EPHB1: variants seen among roughly 807,000 people sequenced by gnomAD.
The protein encoded by EPHB1 is ephrin type-B receptor 1.
In EPHB1, 30 loss-of-function variants were observed where a neutral mutation model predicts 94.4. The ratio of observed to expected loss-of-function variants is 0.32; its 90% CI spans 0.24 to 0.43. The LOEUF is 0.43. Ranked by LOEUF, EPHB1 falls within the 20% of genes least tolerant of loss-of-function variation. The probability of loss-of-function intolerance (pLI) is 1.00; values close to 1 mark genes in which losing one functional copy is unlikely to be tolerated. For synonymous variants in EPHB1, 522 were observed against 489.1 expected (o/e 1.07, Z -0.89); for missense variants, 1,055 against 1,308.3 (o/e 0.81, Z 2.99).
chr3:135,179,408 C>T (rs1161003469), intron 9 of EPHB1, among the ~76,000 whole-genome samples: 1 of 152,210 alleles, frequency 6.6e-6, no homozygotes, highest in Non-Finnish European at 1.5e-5. Context: ...TACAGCCCTG[C>T]ACCACAGCCG....
intron 3 of EPHB1, among the ~76,000 whole-genome samples, chr3:134,996,521 G>A (rs1935001050): frequency 6.6e-6 from 1 of 152,150 alleles, no homozygotes; most frequent in African/African-American, 2.4e-5. Context: ...AATCCAACAC[G>A]TAGAAGTTTT....
At chr3:135,074,068 G>T (rs1342280814) in intron 3 of EPHB1, among the ~76,000 whole-genome samples, 1 of 152,056 alleles carries the variant, frequency 6.6e-6, no homozygotes, top group East Asian at 1.9e-4. Context: ...TTTCATTAGG[G>T]TTTGCAAAAT....
At chr3:135,176,971 C>G (rs1941997285) in intron 9 of EPHB1, among the ~76,000 whole-genome samples, 1 of 152,180 alleles carries the variant, frequency 6.6e-6, no homozygotes, top group Non-Finnish European at 1.5e-5. Flanking sequence ...CCACTGCCCA[C>G]CCTCCGCTTG....
At chr3:134,894,814 A>G (rs1006978462) in intron 1 of EPHB1, among the ~76,000 whole-genome samples, 13 of 152,226 alleles carry the variant, frequency 8.5e-5, no homozygotes, top group African/African-American at 2.9e-4. Context: ...CACATTGAAG[A>G]GCCAAGTGCT....
intron 3 of EPHB1, among the ~76,000 whole-genome samples, chr3:135,029,385 C>T (rs1279051023): frequency 2.9e-4 from 44 of 150,916 alleles, no homozygotes; most frequent in East Asian, 1.4e-3. Flanking sequence ...CCATGTTTAG[C>T]GCTTCCTTCA....
chr3:134,806,178 C>T (rs1326559448), intron 1 of EPHB1, among the ~76,000 whole-genome samples: 3 of 152,154 alleles, frequency 2.0e-5, no homozygotes, highest in African/African-American at 7.2e-5. Flanking sequence ...CATTCCTCTC[C>T]CTTTGAATAT....
chr3:135,257,681 G>A (rs1479429433), intron 15 of EPHB1, among the ~76,000 whole-genome samples: 3 of 148,802 alleles, frequency 2.0e-5, no homozygotes, highest in Non-Finnish European at 4.5e-5. Flanking sequence ...GTTTGTCTGT[G>A]CCCTGCCCCC....
intron 1 of EPHB1, among the ~76,000 whole-genome samples, chr3:134,890,214 C>G (rs1438033332): frequency 1.3e-5 from 2 of 152,098 alleles, no homozygotes; most frequent in Non-Finnish European, 2.9e-5. Context: ...TGCATGTGAA[C>G]CTAAGCAAAA....
chr3:134,985,032 T>C (rs956312690), intron 3 of EPHB1, among the ~76,000 whole-genome samples: 2 of 152,210 alleles, frequency 1.3e-5, no homozygotes, highest in African/African-American at 4.8e-5. Flanking sequence ...AGGTTTTCCG[T>C]TGAGTACTTT....
intron 11 of EPHB1, among the ~76,000 whole-genome samples, chr3:135,196,650 A>G (rs1410227317): frequency 1.3e-5 from 2 of 152,136 alleles, no homozygotes; most frequent in Admixed American, 6.5e-5. Flanking sequence ...GGGAAGTAGG[A>G]TAATTTTAGG....
chr3:134,988,938 TCTC>T (rs1302009411), intron 3 of EPHB1, among the ~76,000 whole-genome samples: 2 of 152,134 alleles, frequency 1.3e-5, no homozygotes, highest in South Asian at 2.1e-4. Flanking sequence ...GGGAGTGCCT[TCTC>T]CTGTTCACGT....
At chr3:135,217,878 C>G (rs912127538) in intron 12 of EPHB1, among the ~76,000 whole-genome samples, 3 of 152,182 alleles carry the variant, frequency 2.0e-5, no homozygotes, top group Non-Finnish European at 4.4e-5. Flanking sequence ...ATCCATCTGC[C>G]TGATAGATTT....
At chr3:135,145,220 G>A (rs1487939011) in intron 5 of EPHB1, among the ~76,000 whole-genome samples, 1 of 152,196 alleles carries the variant, frequency 6.6e-6, no homozygotes, top group Non-Finnish European at 1.5e-5. Flanking sequence ...AGGGAACACA[G>A]TTCATCTGTG....
intron 3 of EPHB1, among the ~76,000 whole-genome samples, chr3:135,027,426 G>GA (rs1936227582): frequency 6.9e-6 from 1 of 144,556 alleles, no homozygotes; most frequent in African/African-American, 2.5e-5. Flanking sequence ...TAGCATGAAG[G>GA]GTTGTTGAAT....
intron 1 of EPHB1, among the ~76,000 whole-genome samples, chr3:134,834,670 C>T (rs1214752965): frequency 6.6e-6 from 1 of 152,178 alleles, no homozygotes; most frequent in Non-Finnish European, 1.5e-5. Context: ...TCATACCCCT[C>T]GTTGGTGGTT....
intron 3 of EPHB1, among the ~76,000 whole-genome samples, chr3:135,009,883 A>G (rs1448417085): frequency 2.6e-5 from 4 of 152,236 alleles, no homozygotes; most frequent in Non-Finnish European, 5.9e-5. Flanking sequence ...AAAATAGTAG[A>G]CGCTATTATT....
At chr3:135,082,923 C>T (rs1032539414) in intron 3 of EPHB1, among the ~76,000 whole-genome samples, 23 of 152,014 alleles carry the variant, frequency 1.5e-4, no homozygotes, top group African/African-American at 5.1e-4. Context: ...CAGCATGGGA[C>T]GTTCTGTAGT....
intron 3 of EPHB1, among the ~76,000 whole-genome samples, chr3:135,068,176 C>T (rs1379277028): frequency 6.6e-6 from 1 of 152,138 alleles, no homozygotes; most frequent in East Asian, 1.9e-4. Flanking sequence ...AGCCTCCATC[C>T]GCTGCTCTGT....
At chr3:135,104,286 A>C (rs898827256) in intron 3 of EPHB1, among the ~76,000 whole-genome samples, 6 of 152,226 alleles carry the variant, frequency 3.9e-5, no homozygotes, top group Non-Finnish European at 5.9e-5. Context: ...AAAAGGAAAG[A>C]GGGAGAAATA....
Sources: gnomAD v4.1 joint callset for allele counts (sites outside exome capture counted in the v4.1 genomes callset) on GRCh38, gnomAD v4.1.1 for gene constraint, MANE v1.5 for transcripts, NCBI Gene and HGNC (gene_info 2026-07-23, HGNC 2026-07-21) for gene names.